Variants in RHPN2 observed in about 807,000 individuals in gnomAD.
The protein encoded by RHPN2 is rhophilin Rho GTPase binding protein 2.
RHPN2 carries 40 observed loss-of-function variants against 79.0 expected under a neutral mutation model. That is an observed-to-expected ratio of 0.51 (90% CI 0.39 to 0.66). The LOEUF is 0.66. RHPN2 is among the 30% of genes least tolerant of loss of function. The pLI is 0.00. For missense variants in RHPN2, 686 were observed against 883.5 expected, an observed-to-expected ratio of 0.78 and a Z score of 2.83; for synonymous variants, 285 against 363.5, an observed-to-expected ratio of 0.78 and a Z score of 2.46.
chr19:32,978,722 A>G lies in RHPN2; in HGVS notation c.*1274T>C, dbSNP rs898550997. 1 of 152,666 alleles carries G rather than the reference A, an allele frequency of 6.6e-6. No individual in the cohort carries two copies. The highest frequency in any genetic ancestry group is 2.4e-5 in the African/African-American group (1 of 41,458). 9.5% of individuals were successfully genotyped at this position (152,666 alleles called of 1,614,324 possible). A position where few individuals can be genotyped will look rare whatever the true frequency, so the allele number is the denominator to read the frequency against. ...AGAAAATAAACTCTTGTCAATCCTT[A>G]AAATTAGTCTTCAATGCTATGTATT... is the stretch of plus-strand genomic sequence containing the variant. On this transcript the variant is annotated 3_prime_UTR_variant, in exon 15 of 15. Transcript: ENST00000254260.
chr19:33,062,468 A>G (rs934827949), intron 1 of RHPN2, among the ~76,000 whole-genome samples: 113 of 136,004 alleles, frequency 8.3e-4, no homozygotes, highest in African/African-American at 2.9e-3. Context: ...TCTCAGGGGG[A>G]AAAAAAAAAA....
At chr19:33,019,048 G>A (rs371376496) in intron 4 of RHPN2, among the ~76,000 whole-genome samples, 55 of 141,146 alleles carry the variant, frequency 3.9e-4, no homozygotes, top group South Asian at 6.9e-4. Flanking sequence ...AAAAAAAAAA[G>A]AAAGAAAGAA....
At chr19:33,000,950 T>C (rs1326425187) in intron 9 of RHPN2, among the ~76,000 whole-genome samples, 1 of 152,044 alleles carries the variant, frequency 6.6e-6, no homozygotes, top group Non-Finnish European at 1.5e-5. Context: ...CCTAATAGAC[T>C]ATATAGTACT....
At chr19:32,983,915 C>G (rs1971596596) in intron 14 of RHPN2, among the ~76,000 whole-genome samples, 1 of 152,206 alleles carries the variant, frequency 6.6e-6, no homozygotes, top group South Asian at 2.1e-4. Context: ...GCGTGAGCCA[C>G]TGTGCCCAGC....
In RHPN2 at chr19:32,996,050, G is replaced by A. The variant is rs923166631; in HGVS notation, c.1396C>T (p.Leu466=). Reference sequence around the variant, plus strand: ...CCAACAACACTGGGGGCGTCGATCAGGTTCAGCAGGTCATCCTCCTCCTGG... The same window carrying A: ...CCAACAACACTGGGGGCGTCGATCAAGTTCAGCAGGTCATCCTCCTCCTGG... ...QHQEEDDLLN[L]IDAPSVVAKT... Residue 466 remains leucine, a synonymous_variant, in exon 11 of 15, where the codon CTG becomes TTG. Coordinates refer to ENST00000254260, the MANE Select transcript of RHPN2 (RefSeq NM_033103.5). 5 of 1,613,878 alleles carry A rather than the reference G, an allele frequency of 3.1e-6. No individual in the cohort carries two copies. The highest frequency in any genetic ancestry group is 1.3e-5 in the African/African-American group (1 of 74,936).
chr19:32,990,592 A>G lies in RHPN2; in HGVS notation c.1722T>C (p.Val574=). The G allele has an allele frequency of 6.2e-7, 1 of 1,613,854 alleles. No homozygotes were observed. The highest frequency in any genetic ancestry group is 1.1e-5 in the South Asian group (1 of 91,068). Residue 574 remains valine (V), a synonymous_variant, in exon 14 of 15, where the codon GTT becomes GTC. Coordinates refer to ENST00000254260, the MANE Select transcript of RHPN2 (RefSeq NM_033103.5). ...CGCCAAAGCTCTTCAGCAGCTTCATAACCTCACTCAGCGTCAGCCACTTAC... is the reference window on the plus strand; with the variant it reads ...CGCCAAAGCTCTTCAGCAGCTTCATGACCTCACTCAGCGTCAGCCACTTAC... ...VDCKWLTLSE[V]MKLLKSFGED...
At chr19:33,012,518 A>T in intron 5 of RHPN2, 129 bp downstream of exon 5, 1 of 756,750 alleles carries the variant, frequency 1.3e-6, no homozygotes, top group Middle Eastern at 3.6e-4. Context: ...GGAATGGATG[A>T]TTCCAGCACC....
At chr19:33,002,468 G>C (rs1555711048) in intron 8 of RHPN2, 65 bp from the exon 9 acceptor site, 1 of 1,595,348 alleles carries the variant, frequency 6.3e-7, no homozygotes, top group African/African-American at 1.3e-5. Flanking sequence ...CCCATTTGCA[G>C]AGAAAGAGCC....
Position 32,996,111 on chromosome 19 carries a change from G to A in RHPN2, c.1335C>T (p.Ala445=), listed in dbSNP as rs763650342. 4.2e-5 allele frequency: 67 copies of A among 1,613,920 alleles called. No individual in the cohort carries two copies. The highest frequency in any genetic ancestry group is 2.0e-4 in the Admixed American group (12 of 59,990). ...SIEVLQKVLC[A]AQERSRLTYA... is the part of the protein sequence containing the mutation. ...ACGTGAGCCGGGAGCGTTCCTGTGC[G>A]GCACACAGCACCTTCTGTAGCACCT... Residue 445 remains alanine (A), a synonymous_variant, in exon 11 of 15, where the codon GCC becomes GCT. Transcript: ENST00000254260.
intron 1 of RHPN2, among the ~76,000 whole-genome samples, chr19:33,051,063 C>G (rs552017815): frequency 6.6e-6 from 1 of 152,280 alleles, no homozygotes; most frequent in East Asian, 1.9e-4. Flanking sequence ...ATGATCTCAA[C>G]TCACTGCAAC....
At chr19:33,031,256 C>CTATTCTATTCTATTCTAT (rs1489473211) in intron 2 of RHPN2, among the ~76,000 whole-genome samples, 1 of 49,944 alleles carries the variant, frequency 2.0e-5, no homozygotes, top group Non-Finnish European at 4.6e-5. Context: ...TTCTATTCTA[C>CTATTCTATTCTATTCTAT]TCTATTCTAT....
intron 14 of RHPN2, among the ~76,000 whole-genome samples, chr19:32,990,168 C>A (rs12461846): frequency 0.8 from 119,335 of 150,062 alleles, 48,023 homozygotes; most frequent in African/African-American, 0.94. Context: ...AAAGAAAGAG[C>A]GAGCCAGGGG....
rs1393741417 is a variant in RHPN2 at position 33,022,339 on chromosome 19, C to G, written c.315-693G>C. 2.6e-5 allele frequency among the ~76,000 whole-genome samples: 4 copies of G among 152,252 alleles called. No individual in the cohort carries two copies. The East Asian group carries it at 7.7e-4, about 29-fold the overall frequency. ...CACTTGCTGCTCCCACCTGGGTGCACCACCCTGCTGCCTCCTTTGTCAGCT... is the reference window on the plus strand; with the variant it reads ...CACTTGCTGCTCCCACCTGGGTGCAGCACCCTGCTGCCTCCTTTGTCAGCT... On this transcript the variant is annotated intron_variant, in intron 3 of 14. Coordinates refer to ENST00000254260, the MANE Select transcript of RHPN2 (RefSeq NM_033103.5).
intron 14 of RHPN2, among the ~76,000 whole-genome samples, chr19:32,985,661 T>C: frequency 6.6e-6 from 1 of 152,178 alleles, no homozygotes; most frequent in East Asian, 1.9e-4. Context: ...AGACAGGGTC[T>C]CACTCTGTCA....
intron 14 of RHPN2, among the ~76,000 whole-genome samples, chr19:32,984,068 G>A (rs1161873838): frequency 6.6e-6 from 1 of 152,170 alleles, no homozygotes; most frequent in African/African-American, 2.4e-5. Flanking sequence ...TGAGAAAACC[G>A]AGGCCCAAGG....
rs577697788 is a variant in RHPN2 at position 33,008,122 on chromosome 19, T to A, written c.652A>T (p.Ser218Cys). The A allele has an allele frequency of 3.4e-5, 55 of 1,614,114 alleles. 1 individual carries two copies. In the South Asian group the frequency reaches 5.6e-4, roughly 16 times the overall value. Residue 218 changes from serine to cysteine, a missense_variant, in exon 7 of 15, where the codon AGT (serine) becomes TGT (cysteine). By Grantham distance (112) the Ser-to-Cys change is moderately radical (BLOSUM62 -1). Coordinates refer to ENST00000254260, the MANE Select transcript of RHPN2 (RefSeq NM_033103.5). ...SQQNLLLEKA[S>C]VLFNTGALYT... Reference sequence around the variant, plus strand: ...AGGGCCCCAGTGTTGAACAGGACACTGGCCTTCTCCAGCAGCAGGTTCTGC... The same window carrying A: ...AGGGCCCCAGTGTTGAACAGGACACAGGCCTTCTCCAGCAGCAGGTTCTGC...
At chr19:32,992,232 C>G (rs1971666289) in intron 12 of RHPN2, 2 of 418,748 alleles carry the variant, frequency 4.8e-6, no homozygotes, top group Non-Finnish European at 8.9e-6. Context: ...GAGACATTGT[C>G]TCACTCTGTC....
chr19:32,993,246 G>A (rs1046536452), intron 12 of RHPN2, among the ~76,000 whole-genome samples: 1 of 152,014 alleles, frequency 6.6e-6, no homozygotes, highest in African/African-American at 2.4e-5. Flanking sequence ...AGGCTGAGGT[G>A]AGCGGATCAC....
chr19:33,046,324 G>A (rs1289764985), intron 1 of RHPN2, among the ~76,000 whole-genome samples: 1 of 152,046 alleles, frequency 6.6e-6, no homozygotes, highest in East Asian at 1.9e-4. Context: ...TGAGTGCAGT[G>A]GCTCGATCTC....
Sources: allele counts gnomAD v4.1 joint callset (sites outside exome capture counted in the v4.1 genomes callset), GRCh38; gene constraint gnomAD v4.1.1; transcripts MANE v1.5; gene names NCBI Gene and HGNC (gene_info 2026-07-23, HGNC 2026-07-21).